NOD1: variants seen among roughly 807,000 people sequenced by gnomAD.
NOD1 encodes the protein nucleotide-binding oligomerization domain-containing protein 1.
A neutral mutation model predicts 81.2 loss-of-function variants in NOD1; 70 were observed. The ratio of observed to expected loss-of-function variants is 0.86; its 90% CI spans 0.71 to 1.05. NOD1 has a LOEUF of 1.05. NOD1 is among the 50% of genes least tolerant of loss of function. NOD1 has a pLI of 0.00. For missense variants in NOD1, 1,233 were observed against 1,228.0 expected (o/e 1.00, Z -0.06); for synonymous variants, 508 against 526.9 (o/e 0.96, Z 0.49).
chr7:30,468,694 CAATT>C, intron 1 of NOD1: 1 of 379,656 alleles, frequency 2.6e-6, no homozygotes, highest in South Asian at 1.1e-4. Flanking sequence ...TTGCAAATGT[CAATT>C]AGAGTGGGCT....
chr7:30,469,752 T>C (rs1377420121), intron 1 of NOD1, among the ~76,000 whole-genome samples: 2 of 152,228 alleles, frequency 1.3e-5, no homozygotes, highest in Admixed American at 6.5e-5. Flanking sequence ...ATTTTAGAGA[T>C]GGGAAAACAG....
At chr7:30,459,640 G>C (rs1024715399) in intron 2 of NOD1, among the ~76,000 whole-genome samples, 8 of 152,172 alleles carry the variant, frequency 5.3e-5, no homozygotes, top group African/African-American at 1.4e-4. Flanking sequence ...GCCTGGAAAG[G>C]CTCCAGGGTT....
chr7:30,456,642 C>T (rs1035807046), intron 4 of NOD1, 79 bp downstream of exon 4: 22 of 1,294,738 alleles, frequency 1.7e-5, no homozygotes, highest in Non-Finnish European at 2.3e-5. Flanking sequence ...CCACGCTCTT[C>T]ACTCAGATCA....
chr7:30,447,508 A>G (rs1030069767), intron 7 of NOD1: 7 of 216,952 alleles, frequency 3.2e-5, no homozygotes, highest in African/African-American at 1.2e-4. Context: ...TGCCAATTCA[A>G]TAGTACAGCA....
chr7:30,451,515 G>T lies in NOD1; in HGVS notation c.1902C>A (p.Ser634Arg), dbSNP rs1291623714. 6.2e-7 allele frequency: 1 copy of T among 1,613,080 alleles called. No homozygotes were observed. The highest frequency in any genetic ancestry group is 2.2e-5 in the East Asian group (1 of 44,862). The change falls in exon 6 of 14, where the codon AGC (serine) becomes AGA (arginine). Residue 634 changes from serine to arginine, a missense_variant. Transcript: ENST00000222823. The surrounding 1 kb of genome is among the most constrained non-coding windows in gnomAD (Gnocchi z 4.2). ...AGCTTTCGACCTGAACGCGGGGCAG[G>T]CTCTTCAGGTAGCCCCGCAGGCTGG... ...LFSSLRGYLK[S>R]LPRVQVESFN...
chr7:30,436,045 CT>C lies in NOD1; in HGVS notation c.2573del (p.Lys858ArgfsTer13), dbSNP rs1562658951. 1 of 1,614,190 alleles carries C rather than the reference CT, an allele frequency of 6.2e-7. No homozygotes were observed. The highest frequency in any genetic ancestry group is 2.2e-5 in the East Asian group (1 of 44,892). On this transcript the variant is annotated frameshift_variant, in exon 11 of 14. Coordinates refer to ENST00000222823, the MANE Select transcript of NOD1 (RefSeq NM_006092.4). LOFTEE classifies it high-confidence loss of function. ...TCTGCTGCAGGGCCCTCGCAAGGCT[CT>C]TTCCTCCTTCTGTGGAGATGCCGTT... ...ASNGISTEGG[K>X]SLARALQQNT... is the part of the protein sequence containing the mutation.
intron 8 of NOD1, 183 bp downstream of exon 8, chr7:30,446,782 CGG>C: frequency 1.8e-6 from 1 of 566,862 alleles, no homozygotes; most frequent in Non-Finnish European, 3.1e-6. Context: ...CTACCAATAA[CGG>C]GAGGCCCTTC....
chr7:30,467,102 A>G lies in NOD1; in HGVS notation c.-351-7061T>C, dbSNP rs932703458. 6.6e-6 allele frequency among the ~76,000 whole-genome samples: 1 copy of G among 152,250 alleles called. No individual in the cohort carries two copies. Among genetic ancestry groups the G allele is most frequent in the African/African-American group, 2.4e-5 (1 of 41,462 alleles). On this transcript the variant is annotated intron_variant, in intron 1 of 13. Coordinates refer to ENST00000222823, the MANE Select transcript of NOD1 (RefSeq NM_006092.4). The surrounding 1 kb of genome is among the most constrained non-coding windows in gnomAD (Gnocchi z 4.5). ...GTACTGACATAGAAAGAGCCTTAAG[A>G]CATCCTGTCACTTGAAAAATGTAAG...
rs912223322 is a variant in NOD1 at position 30,478,769 on chromosome 7, G to T, written c.-515C>A. The T allele has an allele frequency of 5.3e-5, 8 of 152,224 alleles. No individual in the cohort carries two copies. Among genetic ancestry groups the T allele is most frequent in the Non-Finnish European group, 8.8e-5 (6 of 68,026 alleles). 9.4% of individuals were successfully genotyped at this position (152,224 alleles called of 1,614,324 possible). A position where few individuals can be genotyped will look rare whatever the true frequency, so the allele number is the denominator to read the frequency against. On this transcript the variant is annotated 5_prime_UTR_variant, in exon 1 of 14. Coordinates refer to ENST00000222823, the MANE Select transcript of NOD1 (RefSeq NM_006092.4). The surrounding 1 kb of genome is among the most constrained non-coding windows in gnomAD (Gnocchi z 4.1). ...CAGGACCGGGGCGGCTGCCTCGCGG[G>T]CCCGGAACGGGAACTGGCTGCGACT...
At position 30,433,253 on chromosome 7, in the gene NOD1, G is replaced by A; in HGVS notation, c.2622-74C>T. 4 of 1,204,464 alleles carry A rather than the reference G, an allele frequency of 3.3e-6. No homozygotes were observed. The Admixed American group carries it at 7.0e-5, about 21-fold the overall frequency. The allele number at this position is 1,204,464 out of a possible 1,614,324, so 74.6% of individuals were successfully genotyped here. On this transcript the variant is annotated intron_variant, in intron 11 of 13. Coordinates refer to ENST00000222823, the MANE Select transcript of NOD1 (RefSeq NM_006092.4). ...CATTGTTTTAGAGTTCACAGGAGCG[G>A]GAGCTCAGCCCAAGGCTCTCCAGCT... is the stretch of plus-strand genomic sequence containing the variant.
chr7:30,447,381 C>T (rs543396292), intron 7 of NOD1: 14 of 325,342 alleles, frequency 4.3e-5, no homozygotes, highest in African/African-American at 8.5e-5. Context: ...CATGAGTGCT[C>T]GGTGACTGGC....
At chr7:30,446,829 C>G in intron 8 of NOD1, 138 bp downstream of exon 8, 1 of 685,450 alleles carries the variant, frequency 1.5e-6, no homozygotes, top group Non-Finnish European at 2.5e-6. Context: ...ACAGAGGTAT[C>G]TTTACTTGAC....
intron 6 of NOD1, among the ~76,000 whole-genome samples, chr7:30,450,971 T>C (rs56112216): frequency 1.3e-5 from 2 of 152,252 alleles, no homozygotes; most frequent in East Asian, 1.9e-4. Flanking sequence ...TTTTTCCAGA[T>C]GAGGGCGTGG....
chr7:30,473,611 G>C (rs1394655905), intron 1 of NOD1, among the ~76,000 whole-genome samples: 1 of 152,180 alleles, frequency 6.6e-6, no homozygotes, highest in African/African-American at 2.4e-5. Flanking sequence ...ATGTTATCTG[G>C]AAGTGGGAGG....
rs576473707 is a variant in NOD1, at chr7:30,446,631, C to G, written c.2369+336G>C. On this transcript the variant is annotated intron_variant, in intron 8 of 13. Coordinates refer to ENST00000222823, the MANE Select transcript of NOD1 (RefSeq NM_006092.4). ...ACTGTCACCCCCTGCGCAGGGCACA[C>G]CTACAGCAGGGCAAGGGCCCAAGCT... 1.0e-5 allele frequency: 4 copies of G among 398,132 alleles called. No individual in the cohort carries two copies. In the East Asian group the frequency reaches 2.0e-4, roughly 20 times the overall value. The allele number at this position is 398,132 out of a possible 1,614,324, so 24.7% of individuals were successfully genotyped here. A position where few individuals can be genotyped will look rare whatever the true frequency, so the allele number is the denominator to read the frequency against.
intron 13 of NOD1, among the ~76,000 whole-genome samples, 177 bp downstream of exon 13, chr7:30,429,197 A>G (rs536340579): frequency 2.6e-5 from 4 of 152,256 alleles, no homozygotes; most frequent in Non-Finnish European, 4.4e-5. Flanking sequence ...GACCTTGGGC[A>G]ACCTTATTTC....
chr7:30,431,828 G>A (rs1290839660), intron 12 of NOD1, among the ~76,000 whole-genome samples: 1 of 152,220 alleles, frequency 6.6e-6, no homozygotes. Context: ...TATTGGCCAG[G>A]TGCAGTGGCT....
chr7:30,468,759 C>T, intron 1 of NOD1: 22 of 930,130 alleles, frequency 2.4e-5, no homozygotes, highest in Non-Finnish European at 2.7e-5. Flanking sequence ...ATGGGGACCA[C>T]ATCTGAATTC....
In NOD1 at chr7:30,451,175, C is replaced by T. The variant is rs5743348; in HGVS notation, c.2201+41G>A. 132 of 1,589,132 alleles carry T rather than the reference C, an allele frequency of 8.3e-5. 1 individual carries two copies. The African/African-American group carries it at 1.4e-3, about 17-fold the overall frequency. ...TTCCCGATGCCCTCCGAGCCTGGCC[C>T]GCCCGGCCCACCTGTTGCTCCCCTT... On this transcript the variant is annotated intron_variant, in intron 6 of 13. Coordinates refer to ENST00000222823, the MANE Select transcript of NOD1 (RefSeq NM_006092.4). This position sits in a 1 kb window ranked among gnomAD's most constrained non-coding sequence, Gnocchi z 4.2.
Sources: gnomAD v4.1 joint callset for allele counts (sites outside exome capture counted in the v4.1 genomes callset) on GRCh38, gnomAD v4.1.1 for gene constraint, Gnocchi (gnomAD v3.1) non-coding constraint, MANE v1.5 for transcripts, NCBI Gene and HGNC (gene_info 2026-07-23, HGNC 2026-07-21) for gene names.